The following RABGAP1L variants were observed in gnomAD, a reference collection of about 807,000 sequenced individuals.
RABGAP1L encodes the protein RAB GTPase activating protein 1 like.
Under a neutral mutation model 137.7 loss-of-function variants are expected in RABGAP1L, and 63 were observed. The ratio of observed to expected loss-of-function variants is 0.46; its 90% confidence interval spans 0.37 to 0.56. The LOEUF (loss-of-function observed/expected upper bound fraction) is 0.56, where lower values mean the gene tolerates loss of function less well. RABGAP1L is among the 20% of genes least tolerant of loss of function. The pLI is 0.00. For missense variants in RABGAP1L, 1,095 were observed against 1,244.0 expected (o/e 0.88, Z 1.80); for synonymous variants, 431 against 433.7 (o/e 0.99, Z 0.08).
In RABGAP1L at chr1:174,295,587, T is replaced by C. The variant is rs1677056481; in HGVS notation, c.1324-9399T>C. Reference sequence around the variant, plus strand: ...TTTTAGTAGAGACGGGGTTTCACTATGTTGGCCAGGCTGGTCTCAAACTCC... The same window carrying C: ...TTTTAGTAGAGACGGGGTTTCACTACGTTGGCCAGGCTGGTCTCAAACTCC... On this transcript the variant is annotated intron_variant, in intron 10 of 25. Transcript: ENST00000681986. Among the ~76,000 whole-genome samples the C allele has an allele frequency of 2.0e-5, 3 of 151,954 alleles. No homozygotes were observed. The South Asian group carries it at 6.2e-4, about 32-fold the overall frequency.
intron 19 of RABGAP1L, among the ~76,000 whole-genome samples, chr1:174,854,659 T>C (rs928365394): frequency 2.2e-4 from 32 of 146,054 alleles, no homozygotes; most frequent in Non-Finnish European, 3.0e-4. Context: ...ACCAGTGAAT[T>C]TGAAAAAAAA....
At position 174,990,923 on chromosome 1, in the gene RABGAP1L, A is replaced by T. The variant is rs1328531185; in HGVS notation, c.*922A>T. 1.3e-5 allele frequency: 2 copies of T among 152,204 alleles called. No individual in the cohort carries two copies. 9.4% of individuals were successfully genotyped at this position (152,204 alleles called of 1,614,324 possible). A position where few individuals can be genotyped will look rare whatever the true frequency, so the allele number is the denominator to read the frequency against. On this transcript the variant is annotated 3_prime_UTR_variant, in exon 26 of 26. Coordinates refer to ENST00000681986, the MANE Select transcript of RABGAP1L (RefSeq NM_001366446.1). ...AGTATTTCATTTAACGTTGATATAT[A>T]CTTGCTAAGGAAACACTAACAATAC...
chr1:174,256,814 A>C (rs1673170375), intron 7 of RABGAP1L, among the ~76,000 whole-genome samples: 1 of 152,120 alleles, frequency 6.6e-6, no homozygotes, highest in Non-Finnish European at 1.5e-5. Flanking sequence ...ACCAACCACG[A>C]AAATATATCC....
intron 11 of RABGAP1L, among the ~76,000 whole-genome samples, chr1:174,327,958 T>TATATATATATATACAC (rs1680594478): frequency 8.7e-4 from 10 of 11,504 alleles, no homozygotes; most frequent in African/African-American, 4.5e-3. Flanking sequence ...CAGTTGTAAA[T>TATATATATATATACAC]ATATATATAT....
chr1:174,780,143 C>A (rs1686861841), intron 18 of RABGAP1L, among the ~76,000 whole-genome samples: 1 of 151,926 alleles, frequency 6.6e-6, no homozygotes, highest in African/African-American at 2.4e-5. Context: ...ATTAAAATTT[C>A]CCTCAGTATT....
At chr1:174,349,861 T>TG (rs1682924171) in intron 11 of RABGAP1L, among the ~76,000 whole-genome samples, 1 of 119,678 alleles carries the variant, frequency 8.4e-6, no homozygotes, top group Non-Finnish European at 1.8e-5. Flanking sequence ...GGCGGGGCGC[T>TG]GACCCCCCCA....
At chr1:174,509,885 T>C (rs998162438) in intron 13 of RABGAP1L, among the ~76,000 whole-genome samples, 4 of 152,196 alleles carry the variant, frequency 2.6e-5, no homozygotes, top group African/African-American at 4.8e-5. Flanking sequence ...ACTAAAGTCA[T>C]GTCCGTTCTA....
intron 11 of RABGAP1L, 103 bp from the exon 12 acceptor site, chr1:174,370,876 A>T (rs1294154792): frequency 2.0e-6 from 1 of 494,330 alleles, no homozygotes; most frequent in Non-Finnish European, 3.4e-6. Flanking sequence ...TATGAAGAGA[A>T]GCTGGTTTTA....
chr1:174,497,014 C>A (rs916829523), intron 13 of RABGAP1L, among the ~76,000 whole-genome samples: 2 of 152,186 alleles, frequency 1.3e-5, no homozygotes, highest in African/African-American at 4.8e-5. Flanking sequence ...TCACCCTTCT[C>A]CAGCATACAC....
chr1:174,871,445 T>A (rs996357644), intron 19 of RABGAP1L, among the ~76,000 whole-genome samples: 4 of 152,206 alleles, frequency 2.6e-5, no homozygotes, highest in Non-Finnish European at 5.9e-5. Flanking sequence ...GTTGCTTTTT[T>A]AAAATAAATA....
At chr1:174,630,258 G>C (rs1449988841) in intron 13 of RABGAP1L, among the ~76,000 whole-genome samples, 2 of 130,082 alleles carry the variant, frequency 1.5e-5, no homozygotes, top group Non-Finnish European at 3.2e-5. Flanking sequence ...GATCATGGTG[G>C]ATAAGCTTTT....
intron 13 of RABGAP1L, among the ~76,000 whole-genome samples, chr1:174,398,848 A>C (rs1648203423): frequency 6.6e-6 from 1 of 152,164 alleles, no homozygotes; most frequent in Non-Finnish European, 1.5e-5. Flanking sequence ...ACTAGTTGAG[A>C]TCTATTATGG....
At chr1:174,981,550 C>CTTTTTTCTTTTTTTTTTT (rs1671112734) in intron 23 of RABGAP1L, among the ~76,000 whole-genome samples, 1 of 66,406 alleles carries the variant, frequency 1.5e-5, no homozygotes, top group Non-Finnish European at 2.6e-5. Flanking sequence ...GTTTTTCCAT[C>CTTTTTTCTTTTTTTTTTT]TTTTTTTTTT....
At chr1:174,496,803 A>G (rs1045373400) in intron 13 of RABGAP1L, among the ~76,000 whole-genome samples, 5 of 152,202 alleles carry the variant, frequency 3.3e-5, no homozygotes, top group African/African-American at 4.8e-5. Context: ...TGGACTTTTT[A>G]TGGAAAGATT....
intron 19 of RABGAP1L, among the ~76,000 whole-genome samples, chr1:174,905,819 C>G (rs1315553286): frequency 1.3e-5 from 2 of 151,594 alleles, no homozygotes; most frequent in Non-Finnish European, 2.9e-5. Flanking sequence ...CCACTGTACT[C>G]TAGCCTGGGT....
Position 174,170,671 on chromosome 1 carries a change from C to CAAAAAAA in RABGAP1L, c.-34+11031_-34+11037dup, listed in dbSNP as rs35800051. Among the ~76,000 whole-genome samples, 3 of 85,378 alleles carry CAAAAAAA rather than the reference C, an allele frequency of 3.5e-5. No homozygotes were observed. In the South Asian group the frequency reaches 1.4e-3, roughly 40 times the overall value. The allele number at this position is 85,378 out of a possible 152,430, so 56.0% of individuals were successfully genotyped here. A position where few individuals can be genotyped will look rare whatever the true frequency, so the allele number is the denominator to read the frequency against. ...GCCTGGACAGAGTGAGACGCTGTTT[C>CAAAAAAA]AAAAAAAAAAAAAAAAAAAAAAATC... On this transcript the variant is annotated intron_variant, in intron 1 of 25. Coordinates refer to ENST00000681986, the MANE Select transcript of RABGAP1L (RefSeq NM_001366446.1).
intron 18 of RABGAP1L, among the ~76,000 whole-genome samples, chr1:174,770,425 A>G (rs1471561833): frequency 2.6e-5 from 4 of 152,230 alleles, no homozygotes; most frequent in South Asian, 4.1e-4. Context: ...TACCATGCAC[A>G]TATTATATAA....
intron 14 of RABGAP1L, among the ~76,000 whole-genome samples, chr1:174,654,128 A>G (rs369930033): frequency 6.6e-6 from 1 of 152,186 alleles, no homozygotes; most frequent in African/African-American, 2.4e-5. Context: ...GAAAAGACCA[A>G]TGGTGAGTCG....
intron 7 of RABGAP1L, among the ~76,000 whole-genome samples, chr1:174,255,894 A>G (rs1009373196): frequency 6.6e-6 from 1 of 152,182 alleles, no homozygotes; most frequent in African/African-American, 2.4e-5. Context: ...CACTTTTAAG[A>G]GTGAGTTAAA....
Sources: allele counts gnomAD v4.1 joint callset (sites outside exome capture counted in the v4.1 genomes callset), GRCh38; gene constraint gnomAD v4.1.1; transcripts MANE v1.5; gene names NCBI Gene and HGNC (gene_info 2026-07-23, HGNC 2026-07-21).